Variants in SMAD2 observed in about 807,000 individuals in gnomAD.
The protein encoded by SMAD2 is MAD homolog 2.
Under a neutral mutation model 64.4 loss-of-function variants are expected in SMAD2, and 8 were observed. That is an observed-to-expected ratio of 0.12 (90% CI 0.07 to 0.22). The LOEUF is 0.22. Among genes scored for constraint, SMAD2 ranks in the 10% least tolerant of loss-of-function variants. SMAD2 has a pLI of 1.00. For missense variants in SMAD2, 289 were observed against 561.2 expected (o/e 0.51, Z 4.90); for synonymous variants, 203 against 195.8 (o/e 1.04, Z -0.31).
chr18:47,881,385 C>T (rs1201989850), intron 2 of SMAD2, among the ~76,000 whole-genome samples: 1 of 152,142 alleles, frequency 6.6e-6, no homozygotes. Context: ...CTTAACACCC[C>T]TATTTGTCTG....
Position 47,861,057 on chromosome 18 carries a change from A to T in SMAD2, c.730+4002T>A, listed in dbSNP as rs141576973. Reference sequence around the variant, plus strand: ...AAGAAAAAAGCATGAAGACTGGGGAAAAAAAGAAAAACTGTCAGCCGGGCA... The same window carrying T: ...AAGAAAAAAGCATGAAGACTGGGGATAAAAAGAAAAACTGTCAGCCGGGCA... On this transcript the variant is annotated intron_variant, in intron 6 of 10. Transcript: ENST00000262160. Among the ~76,000 whole-genome samples the T allele has an allele frequency of 7.4e-3, 1,119 of 152,216 alleles. 9 individuals carry two copies. The highest frequency in any genetic ancestry group is 0.025 in the African/African-American group (1,054 of 41,542).
chr18:47,922,741 G>A (rs986852615), intron 1 of SMAD2: 3 of 151,974 alleles, frequency 2.0e-5, no homozygotes, highest in Admixed American at 6.6e-5. Flanking sequence ...TTAGTAACCA[G>A]GATAATAGAA....
In SMAD2 at chr18:47,919,271, CAAGTA is replaced by C. The variant is rs561913710; in HGVS notation, c.-54+11085_-54+11089del. On this transcript the variant is annotated intron_variant, in intron 1 of 10. Transcript: ENST00000262160. Reference sequence around the variant, plus strand: ...GGCATTTTCAGACATGCAACATCTCCAAGTATTTACCGCCCCACCCCCAACACACT... The same window carrying C: ...GGCATTTTCAGACATGCAACATCTCCTTTACCGCCCCACCCCCAACACACT... Among the ~76,000 whole-genome samples, 36 of 152,048 alleles carry C rather than the reference CAAGTA, an allele frequency of 2.4e-4. 1 individual carries two copies. In the South Asian group the frequency reaches 7.5e-3, roughly 32 times the overall value.
At chr18:47,901,688 C>T (rs560009427) in intron 1 of SMAD2, among the ~76,000 whole-genome samples, 1 of 152,142 alleles carries the variant, frequency 6.6e-6, no homozygotes, top group Non-Finnish European at 1.5e-5. Context: ...AATCATAGAA[C>T]ACTGCTGAGT....
chr18:47,834,242 G>C lies in SMAD2; in HGVS notation c.*7585C>G. 1 of 211,066 alleles carries C rather than the reference G, an allele frequency of 4.7e-6. No homozygotes were observed. The highest frequency in any genetic ancestry group is 7.1e-5 in the East Asian group (1 of 14,162). The allele number at this position is 211,066 out of a possible 1,614,324, so 13.1% of individuals were successfully genotyped here. Reference sequence around the variant, plus strand: ...GTGGTCAGCTCCTTCTGGTGTGCCTGGGACTTGTTTTGAGTTTAGCAAAAA... The same window carrying C: ...GTGGTCAGCTCCTTCTGGTGTGCCTCGGACTTGTTTTGAGTTTAGCAAAAA... On this transcript the variant is annotated 3_prime_UTR_variant, in exon 11 of 11. Transcript: ENST00000262160.
At chr18:47,854,700 A>G (rs1457365567) in intron 6 of SMAD2, among the ~76,000 whole-genome samples, 2 of 152,156 alleles carry the variant, frequency 1.3e-5, no homozygotes, top group African/African-American at 4.8e-5. Context: ...TTTTAATTTA[A>G]AAAAGACTTT....
chr18:47,871,827 C>CAT (rs1434250154), intron 2 of SMAD2, among the ~76,000 whole-genome samples: 1 of 152,078 alleles, frequency 6.6e-6, no homozygotes, highest in Non-Finnish European at 1.5e-5. Context: ...CTATTGGAAA[C>CAT]ATATAGCATG....
chr18:47,859,994 G>A (rs1217413846), intron 6 of SMAD2, among the ~76,000 whole-genome samples: 1 of 152,066 alleles, frequency 6.6e-6, no homozygotes, highest in Non-Finnish European at 1.5e-5. Context: ...AATTAGCCAG[G>A]TGCAGTAGCA....
At chr18:47,920,599 G>A (rs1317465555) in intron 1 of SMAD2, among the ~76,000 whole-genome samples, 1 of 152,222 alleles carries the variant, frequency 6.6e-6, no homozygotes, top group African/African-American at 2.4e-5. Flanking sequence ...GGTAGGAGAT[G>A]TAAAGGAGGC....
Position 47,833,150 on chromosome 18 carries a change from T to G in SMAD2, c.*8677A>C, listed in dbSNP as rs1170787909. On this transcript the variant is annotated 3_prime_UTR_variant, in exon 11 of 11. Transcript: ENST00000262160. ...TTTAATGCTAGGAAAACTGTCCACC[T>G]TTCAACGGTGACAGGGCTGTTAACA... is the stretch of plus-strand genomic sequence containing the variant. 2.5e-5 allele frequency: 5 copies of G among 201,722 alleles called. No homozygotes were observed. In the South Asian group the frequency reaches 5.7e-4, roughly 23 times the overall value. The allele number at this position is 201,722 out of a possible 1,614,324, so 12.5% of individuals were successfully genotyped here. A position where few individuals can be genotyped will look rare whatever the true frequency, so the allele number is the denominator to read the frequency against.
Position 47,868,350 on chromosome 18 carries a change from T to C in SMAD2, c.628A>G (p.Ile210Val), listed in dbSNP as rs1676233792. 1 of 1,613,320 alleles carries C rather than the reference T, an allele frequency of 6.2e-7. No homozygotes were observed. Among genetic ancestry groups the C allele is most frequent in the Non-Finnish European group, 8.5e-7 (1 of 1,179,416 alleles). Reference sequence around the variant, plus strand: ...GGAATATAATTACTCTGTGGCTCAATTCCTGCTGGGAAGTTAGTGTTTTCT... The same window carrying C: ...GGAATATAATTACTCTGTGGCTCAACTCCTGCTGGGAAGTTAGTGTTTTCT... ...IPENTNFPAG[I>V]EPQSNYIPET... The change falls in exon 5 of 11, where the codon ATT becomes GTT. Residue 210 changes from isoleucine (I) to valine (V), a missense_variant. Coordinates refer to ENST00000262160, the MANE Select transcript of SMAD2 (RefSeq NM_005901.6).
Position 47,874,991 on chromosome 18 carries a change from G to A in SMAD2, c.237-4427C>T, listed in dbSNP as rs189234980. ...AAAGATATGGTTCTAAAACATTAGA[G>A]GCACATTACTTCCTATACTGCATCA... On this transcript the variant is annotated intron_variant, in intron 2 of 10. Coordinates refer to ENST00000262160, the MANE Select transcript of SMAD2 (RefSeq NM_005901.6). Among the ~76,000 whole-genome samples the A allele has an allele frequency of 3.9e-5, 6 of 152,200 alleles. No individual in the cohort carries two copies. The East Asian group carries it at 1.2e-3, about 29-fold the overall frequency.
intron 1 of SMAD2, among the ~76,000 whole-genome samples, chr18:47,904,203 C>T (rs1368753229): frequency 6.7e-6 from 1 of 149,708 alleles, no homozygotes; most frequent in African/African-American, 2.5e-5. Flanking sequence ...TGAAAAAAGG[C>T]AGAAAACGGA....
chr18:47,924,460 T>A (rs1048565760), intron 1 of SMAD2, among the ~76,000 whole-genome samples: 1 of 149,976 alleles, frequency 6.7e-6, no homozygotes, highest in Admixed American at 6.6e-5. Flanking sequence ...CACATTTTCT[T>A]TTTTTTCTTT....
At position 47,820,857 on chromosome 18, in the gene SMAD2, T is replaced by A. The variant is rs1291164825; in HGVS notation, c.*20970A>T. 4.7e-5 allele frequency: 7 copies of A among 150,146 alleles called. No homozygotes were observed. Among genetic ancestry groups the A allele is most frequent in the African/African-American group, 1.5e-4 (6 of 40,526 alleles). 9.3% of individuals were successfully genotyped at this position (150,146 alleles called of 1,614,324 possible). ...TATATTCTATACATATGCTATATAT[T>A]TGTATATACACGATAGTGTAAATGC... is the stretch of plus-strand genomic sequence containing the variant. On this transcript the variant is annotated 3_prime_UTR_variant, in exon 11 of 11. Coordinates refer to ENST00000262160, the MANE Select transcript of SMAD2 (RefSeq NM_005901.6).
chr18:47,894,484 C>CTA (rs1185373639), intron 2 of SMAD2, among the ~76,000 whole-genome samples: 2 of 152,176 alleles, frequency 1.3e-5, no homozygotes, highest in African/African-American at 4.8e-5. Flanking sequence ...CCACCCCTTA[C>CTA]TTTATACTCT....
intron 1 of SMAD2, among the ~76,000 whole-genome samples, chr18:47,919,469 TACACACACACACACACACACAC>T (rs66523523): frequency 0.012 from 1,505 of 129,966 alleles, 21 homozygotes; most frequent in South Asian, 0.023. Context: ...AAAAAAAAAA[TACACACACACACACACACACAC>T]ACACACACAC....
At position 47,826,395 on chromosome 18, in the gene SMAD2, C is replaced by T. The variant is rs1479084861; in HGVS notation, c.*15432G>A. 1.3e-5 allele frequency: 2 copies of T among 152,288 alleles called. No individual in the cohort carries two copies. The highest frequency in any genetic ancestry group is 4.8e-5 in the African/African-American group (2 of 41,476). 9.4% of individuals were successfully genotyped at this position (152,288 alleles called of 1,614,324 possible). Reference sequence around the variant, plus strand: ...CTAATAACTCTGTAGTGCCTTTCCACACTGGGTTTAGCCATGTGGCTTGTT... The same window carrying T: ...CTAATAACTCTGTAGTGCCTTTCCATACTGGGTTTAGCCATGTGGCTTGTT... On this transcript the variant is annotated 3_prime_UTR_variant, in exon 11 of 11. Coordinates refer to ENST00000262160, the MANE Select transcript of SMAD2 (RefSeq NM_005901.6).
At chr18:47,907,692 C>T (rs1292174840) in intron 1 of SMAD2, among the ~76,000 whole-genome samples, 1 of 152,196 alleles carries the variant, frequency 6.6e-6, no homozygotes, top group African/African-American at 2.4e-5. Context: ...TGGCTCACAC[C>T]TATAATCCCA....
Sources: allele counts gnomAD v4.1 joint callset (sites outside exome capture counted in the v4.1 genomes callset), GRCh38; gene constraint gnomAD v4.1.1; transcripts MANE v1.5; gene names NCBI Gene and HGNC (gene_info 2026-07-23, HGNC 2026-07-21).